Variants in SCP2 observed in about 807,000 individuals in gnomAD.
The protein encoded by SCP2 is SCP-2/3-oxoacyl-CoA thiolase.
Under a neutral mutation model 71.4 loss-of-function variants are expected in SCP2, and 48 were observed. That is an observed-to-expected ratio of 0.67 (90% CI 0.53 to 0.86). The LOEUF (loss-of-function observed/expected upper bound fraction) is 0.86. Ranked by LOEUF, SCP2 falls within the 40% of genes least tolerant of loss-of-function variation. The pLI, the probability that SCP2 is intolerant of heterozygous loss-of-function variation, is 0.00. For synonymous variants in SCP2, 220 were observed against 218.1 expected, an observed-to-expected ratio of 1.01 and a Z score of -0.08; for missense variants, 560 against 655.6, an observed-to-expected ratio of 0.85 and a Z score of 1.59.
At position 53,015,026 on chromosome 1, in the gene SCP2, T is replaced by A. The variant is rs758417010; in HGVS notation, c.1218T>A (p.Gly406=). ...GAVVVTLYKM[G]FPEAASSFRT... ...TGGTTGTAACACTCTACAAGATGGG[T>A]TTTCCGGAAGCCGCCAGGTGAGTGA... The change falls in exon 12 of 16, where the codon GGT becomes GGA. Residue 406 remains glycine, a synonymous_variant. Coordinates refer to ENST00000371514, the MANE Select transcript of SCP2 (RefSeq NM_002979.5). 6.2e-7 allele frequency: 1 copy of A among 1,613,922 alleles called. No homozygotes were observed. The highest frequency in any genetic ancestry group is 1.3e-5 in the African/African-American group (1 of 74,894).
chr1:52,992,173 T>C (rs911146610), intron 11 of SCP2, among the ~76,000 whole-genome samples: 1 of 152,112 alleles, frequency 6.6e-6, no homozygotes, highest in African/African-American at 2.4e-5. Context: ...TCTACCACAG[T>C]TTCTGTAGTT....
In SCP2 at chr1:53,014,185, G is replaced by A. The variant is rs139148098; in HGVS notation, c.1082-705G>A. ...CTCCCAAAGTGCTGGGATTACAGGC[G>A]TGAGCCACCGCGCCCGGCCCTGATA... On this transcript the variant is annotated intron_variant, in intron 11 of 15. Coordinates refer to ENST00000371514, the MANE Select transcript of SCP2 (RefSeq NM_002979.5). 7.9e-3 allele frequency among the ~76,000 whole-genome samples: 1,199 copies of A among 151,816 alleles called. 4 individuals carry two copies. Among genetic ancestry groups the A allele is most frequent in the African/African-American group, 0.012 (508 of 41,376 alleles).
At chr1:53,013,810 C>G (rs1661139792) in intron 11 of SCP2, among the ~76,000 whole-genome samples, 1 of 147,402 alleles carries the variant, frequency 6.8e-6, no homozygotes, top group South Asian at 2.2e-4. Context: ...GAAGTTGTGG[C>G]TGGGGATGTG....
chr1:53,045,912 C>G (rs886299581), intron 14 of SCP2, among the ~76,000 whole-genome samples: 1 of 152,048 alleles, frequency 6.6e-6, no homozygotes, highest in Admixed American at 6.5e-5. Flanking sequence ...TGTAGTTTTG[C>G]TTTCCTTAGG....
intron 14 of SCP2, among the ~76,000 whole-genome samples, chr1:53,040,894 A>G (rs994507383): frequency 1.8e-4 from 28 of 152,200 alleles, no homozygotes; most frequent in Admixed American, 5.2e-4. Context: ...TTTTTGTCTG[A>G]GGTACACTGC....
chr1:53,026,813 G>A (rs1306036378), intron 12 of SCP2, among the ~76,000 whole-genome samples: 1 of 151,984 alleles, frequency 6.6e-6, no homozygotes, highest in Non-Finnish European at 1.5e-5. Context: ...GAAAGAGAGA[G>A]AGAAAAAGTA....
In SCP2 at chr1:53,040,771, G is replaced by T. The variant is rs528177172; in HGVS notation, c.1468+1725G>T. On this transcript the variant is annotated intron_variant, in intron 14 of 15. Coordinates refer to ENST00000371514, the MANE Select transcript of SCP2 (RefSeq NM_002979.5). ...TTACTATTCCCTATTGCCTTTTTCT[G>T]CCTTATTTTTCTCCATAGCACTTAT... 1.1e-4 allele frequency among the ~76,000 whole-genome samples: 17 copies of T among 151,890 alleles called. No homozygotes were observed. The South Asian group carries it at 2.9e-3, about 26-fold the overall frequency.
At chr1:52,993,475 G>C in intron 11 of SCP2, 1 of 1,613,710 alleles carries the variant, frequency 6.2e-7, no homozygotes, top group Non-Finnish European at 8.5e-7. Flanking sequence ...CCTTTACTCT[G>C]AGAATCTGTC....
At position 53,048,107 on chromosome 1, in the gene SCP2, G is replaced by A. The variant is rs1262220920; in HGVS notation, c.1548+170G>A. The stretch of plus-strand genomic sequence containing the variant: ...CAAGCTGTGTGCCACACACTGTCTT[G>A]TGTGCTGGAAGTGCCCAGAAGAGTA... On this transcript the variant is annotated intron_variant, in intron 15 of 15. Transcript: ENST00000371514. 3 of 643,950 alleles carry A rather than the reference G, an allele frequency of 4.7e-6. No individual in the cohort carries two copies. The East Asian group carries it at 9.1e-5, about 19-fold the overall frequency. 39.9% of individuals were successfully genotyped at this position (643,950 alleles called of 1,614,324 possible).
In SCP2 at chr1:53,028,001, C is replaced by G; in HGVS notation, c.1268C>G (p.Pro423Arg). 1 of 1,610,676 alleles carries G rather than the reference C, an allele frequency of 6.2e-7. No homozygotes were observed. Among genetic ancestry groups the G allele is most frequent in the Non-Finnish European group, 8.5e-7 (1 of 1,177,090 alleles). The change falls in exon 13 of 16, where the codon CCA becomes CGA. Residue 423 changes from proline (P) to arginine (R), a missense_variant. Coordinates refer to ENST00000371514, the MANE Select transcript of SCP2 (RefSeq NM_002979.5). Reference sequence around the variant, plus strand: ...AGAACTCATCAAATTGAAGCTGTTCCAACCAGCTCTGCAAGTGATGGATTT... The same window carrying G: ...AGAACTCATCAAATTGAAGCTGTTCGAACCAGCTCTGCAAGTGATGGATTT... ...SFRTHQIEAV[P>R]TSSASDGFKA... is the part of the protein sequence containing the mutation.
intron 2 of SCP2, among the ~76,000 whole-genome samples, chr1:52,942,419 A>AC (rs1425768762): frequency 6.6e-6 from 1 of 152,154 alleles, no homozygotes; most frequent in Admixed American, 6.6e-5. Context: ...AGAAGGATCT[A>AC]CAGGTGTATG....
At chr1:52,965,148 C>G (rs1656839456) in intron 6 of SCP2, among the ~76,000 whole-genome samples, 1 of 152,196 alleles carries the variant, frequency 6.6e-6, no homozygotes, top group Non-Finnish European at 1.5e-5. Flanking sequence ...ATTATATAAT[C>G]TACAGACCTC....
Position 53,015,715 on chromosome 1 carries a change from G to A in SCP2, c.1235+672G>A, listed in dbSNP as rs150664991. Reference sequence around the variant, plus strand: ...TCCCTCTGTCAGCATACATGTTCAGGTCTTCCCTTAGATCTCTTTTTCTCC... The same window carrying A: ...TCCCTCTGTCAGCATACATGTTCAGATCTTCCCTTAGATCTCTTTTTCTCC... On this transcript the variant is annotated intron_variant, in intron 12 of 15. Transcript: ENST00000371514. 4.6e-5 allele frequency among the ~76,000 whole-genome samples: 7 copies of A among 152,088 alleles called. No homozygotes were observed. The East Asian group carries it at 1.4e-3, about 29-fold the overall frequency.
Position 52,974,820 on chromosome 1 carries a change from C to G in SCP2, c.575C>G (p.Ser192Ter). The stretch of plus-strand genomic sequence containing the variant: ...ATTGGATGGAAAAATCATAAACATT[C>G]AGTTAATAACCCGTAAGTATTTCAG... The part of the protein sequence containing the change: ...AKIGWKNHKH[S>*]VNNPYSQFQD... The change falls in exon 7 of 16, where the codon TCA becomes TGA. Residue 192 changes from serine (S) to a stop codon, truncating the protein, a stop_gained. Coordinates refer to ENST00000371514, the MANE Select transcript of SCP2 (RefSeq NM_002979.5). LOFTEE classifies it high-confidence loss of function. 1 of 1,485,440 alleles carries G rather than the reference C, an allele frequency of 6.7e-7. No individual in the cohort carries two copies. Among genetic ancestry groups the G allele is most frequent in the Non-Finnish European group, 9.4e-7 (1 of 1,062,902 alleles). 92.0% of individuals were successfully genotyped at this position (1,485,440 alleles called of 1,614,324 possible).
intron 6 of SCP2, among the ~76,000 whole-genome samples, chr1:52,963,912 T>A (rs1405285753): frequency 1.3e-5 from 2 of 152,186 alleles, no homozygotes; most frequent in Non-Finnish European, 2.9e-5. Flanking sequence ...TATTAACTTT[T>A]AGTTTTCTTG....
At chr1:53,047,757 G>A in intron 14 of SCP2, 101 bp from the exon 15 acceptor site, 1 of 806,698 alleles carries the variant, frequency 1.2e-6, no homozygotes, top group South Asian at 1.4e-5. Context: ...CTGCCTCAGT[G>A]CTGGTTATAA....
intron 2 of SCP2, among the ~76,000 whole-genome samples, chr1:52,944,571 T>C (rs1654591002): frequency 6.6e-6 from 1 of 152,198 alleles, no homozygotes; most frequent in Admixed American, 6.5e-5. Flanking sequence ...AAGTGGGAGA[T>C]GCTTTGATCA....
intron 11 of SCP2, among the ~76,000 whole-genome samples, chr1:53,013,882 C>CTTTTTTTTT (rs71044449): frequency 4.8e-5 from 3 of 63,056 alleles, no homozygotes; most frequent in Non-Finnish European, 9.9e-5. Flanking sequence ...ATAGAACATT[C>CTTTTTTTTT]TTTTTTTTTT....
intron 12 of SCP2, among the ~76,000 whole-genome samples, chr1:53,016,907 A>G (rs1019026407): frequency 6.6e-6 from 1 of 152,198 alleles, no homozygotes; most frequent in Non-Finnish European, 1.5e-5. Flanking sequence ...GAGGCCAGGA[A>G]TGCTTAGGAA....
Sources: gnomAD v4.1 joint callset for allele counts (sites outside exome capture counted in the v4.1 genomes callset) on GRCh38, gnomAD v4.1.1 for gene constraint, MANE v1.5 for transcripts, NCBI Gene and HGNC (gene_info 2026-07-23, HGNC 2026-07-21) for gene names.